FAF1: variants seen among roughly 807,000 people sequenced by gnomAD.
FAF1 encodes the protein FAS-associated factor 1.
A neutral mutation model predicts 92.5 loss-of-function variants in FAF1; 25 were observed. The ratio of observed to expected loss-of-function variants is 0.27; its 90% CI spans 0.20 to 0.38. The LOEUF (loss-of-function observed/expected upper bound fraction) is 0.38. FAF1 is among the 10% of genes least tolerant of loss of function. The pLI is 1.00. For missense variants in FAF1, 636 were observed against 793.3 expected, an observed-to-expected ratio of 0.80 and a Z score of 2.38; for synonymous variants, 234 against 273.2, an observed-to-expected ratio of 0.86 and a Z score of 1.42.
chr1:50,772,854 A>T (rs1043628492), intron 4 of FAF1, among the ~76,000 whole-genome samples: 1 of 152,206 alleles, frequency 6.6e-6, no homozygotes, highest in Non-Finnish European at 1.5e-5. Context: ...AACCTAAAAT[A>T]ACTTTAAATA....
At chr1:50,823,770 T>C (rs1033137720) in intron 2 of FAF1, among the ~76,000 whole-genome samples, 1 of 152,014 alleles carries the variant, frequency 6.6e-6, no homozygotes, top group Non-Finnish European at 1.5e-5. Flanking sequence ...TTAAAAAGAA[T>C]GGCAAAGAAA....
intron 6 of FAF1, among the ~76,000 whole-genome samples, chr1:50,713,306 C>G (rs1189284183): frequency 1.3e-5 from 2 of 150,796 alleles, no homozygotes; most frequent in African/African-American, 4.9e-5. Flanking sequence ...CAGTCTCTCA[C>G]TCTGTCACCC....
At chr1:50,844,779 T>C (rs1447077789) in intron 2 of FAF1, among the ~76,000 whole-genome samples, 1 of 151,980 alleles carries the variant, frequency 6.6e-6, no homozygotes, top group African/African-American at 2.4e-5. Flanking sequence ...GAGAGGTACC[T>C]GAAAATAAGA....
rs746466886 is a variant in FAF1, at chr1:50,788,087, C to T, written c.280G>A (p.Val94Ile). The T allele has an allele frequency of 3.1e-6, 5 of 1,614,150 alleles. No homozygotes were observed. The Admixed American group carries it at 8.3e-5, about 27-fold the overall frequency. The change falls in exon 4 of 19, where the codon GTA becomes ATA. Residue 94 changes from valine to isoleucine, a missense_variant. This residue lies in a region of FAF1 where 317 missense variants were observed against 342.4 expected (regional missense o/e 0.93). Transcript: ENST00000396153. The part of the protein sequence containing the change: ...FRPVMPSRQI[V>I]ERQPRMLDFR... ...TCCAGCATCCGAGGTTGCCTTTCTA[C>T]AATCTGCCTGGATGGCATTACAGGT...
At chr1:50,449,900 A>G (rs770792118) in intron 18 of FAF1, among the ~76,000 whole-genome samples, 3 of 152,012 alleles carry the variant, frequency 2.0e-5, no homozygotes, top group Non-Finnish European at 4.4e-5. Flanking sequence ...TCATCCCTAT[A>G]AAAAGTTACC....
At chr1:50,563,993 G>A (rs1183521569) in intron 13 of FAF1, among the ~76,000 whole-genome samples, 3 of 152,140 alleles carry the variant, frequency 2.0e-5, no homozygotes, top group African/African-American at 7.2e-5. Flanking sequence ...AGAGAAATTA[G>A]GAAATTTAAT....
chr1:50,943,550 G>A (rs1203983080), intron 1 of FAF1, among the ~76,000 whole-genome samples: 2 of 152,186 alleles, frequency 1.3e-5, no homozygotes, highest in Non-Finnish European at 2.9e-5. Flanking sequence ...CAGGGCCAAG[G>A]TGTTGTCATT....
intron 2 of FAF1, among the ~76,000 whole-genome samples, chr1:50,811,831 C>A (rs1643917451): frequency 1.3e-5 from 2 of 152,118 alleles, no homozygotes; most frequent in African/African-American, 4.8e-5. Flanking sequence ...CATAAAGCTG[C>A]AGTAACCATT....
At chr1:50,843,405 C>T (rs2124647174) in intron 2 of FAF1, among the ~76,000 whole-genome samples, 1 of 152,184 alleles carries the variant, frequency 6.6e-6, no homozygotes, top group African/African-American at 2.4e-5. Flanking sequence ...GGGGACACTC[C>T]AAATCTAGCT....
At chr1:50,523,296 G>A (rs148706030) in intron 15 of FAF1, among the ~76,000 whole-genome samples, 1 of 152,242 alleles carries the variant, frequency 6.6e-6, no homozygotes, top group East Asian at 1.9e-4. Flanking sequence ...TGGAATACCT[G>A]GTTCAAATGG....
At chr1:50,611,524 C>T (rs891876458) in intron 8 of FAF1, among the ~76,000 whole-genome samples, 3 of 152,066 alleles carry the variant, frequency 2.0e-5, no homozygotes, top group Non-Finnish European at 4.4e-5. Flanking sequence ...TTACTTTCTG[C>T]GGATAGCAGA....
intron 6 of FAF1, chr1:50,715,097 C>G (rs571277934): frequency 2.4e-5 from 9 of 369,348 alleles, no homozygotes; most frequent in African/African-American, 1.9e-4. Context: ...TTAAAACTAA[C>G]AGTTCTTCAT....
intron 8 of FAF1, among the ~76,000 whole-genome samples, chr1:50,653,958 G>A (rs1012113160): frequency 2.6e-5 from 4 of 152,112 alleles, no homozygotes; most frequent in South Asian, 4.1e-4. Context: ...GTGAGTCACC[G>A]TGCCTGACCA....
intron 9 of FAF1, among the ~76,000 whole-genome samples, chr1:50,589,591 G>A (rs1651405548): frequency 6.6e-6 from 1 of 152,170 alleles, no homozygotes; most frequent in Non-Finnish European, 1.5e-5. Context: ...CATATCAGAT[G>A]TATGATTTGC....
rs117470804 is a variant in FAF1, at chr1:50,556,041, A to C, written c.1268+11036T>G. ...AGAATACAACTCAGCTATAAAAAAGAATAAGGTCTTCAATGAAACCCCGTC... is the reference window on the plus strand; with the variant it reads ...AGAATACAACTCAGCTATAAAAAAGCATAAGGTCTTCAATGAAACCCCGTC... On this transcript the variant is annotated intron_variant, in intron 13 of 18. Transcript: ENST00000396153. 2.1e-4 allele frequency among the ~76,000 whole-genome samples: 32 copies of C among 151,670 alleles called. 1 individual carries two copies. The East Asian group carries it at 6.2e-3, about 29-fold the overall frequency.
intron 4 of FAF1, among the ~76,000 whole-genome samples, chr1:50,750,984 T>TA (rs1378614976): frequency 6.6e-6 from 1 of 151,242 alleles, no homozygotes. Context: ...TTTTTTTTTT[T>TA]AACATGAAAT....
chr1:50,704,345 A>T (rs533072231), intron 7 of FAF1, among the ~76,000 whole-genome samples: 50 of 152,292 alleles, frequency 3.3e-4, no homozygotes, highest in African/African-American at 1.2e-3. Context: ...AAAAAGGCAA[A>T]CTATATTTAT....
chr1:50,551,699 G>A (rs1649316518), intron 13 of FAF1, among the ~76,000 whole-genome samples: 1 of 152,108 alleles, frequency 6.6e-6, no homozygotes, highest in Admixed American at 6.6e-5. Flanking sequence ...ATTTCAGTAA[G>A]GCATATAATA....
intron 4 of FAF1, among the ~76,000 whole-genome samples, chr1:50,774,566 CAA>C (rs942402214): frequency 6.6e-6 from 1 of 151,828 alleles, no homozygotes; most frequent in African/African-American, 2.4e-5. Flanking sequence ...TAAGAAAGAT[CAA>C]AAAGAGAAAA....
Sources: gnomAD v4.1 joint callset for allele counts (sites outside exome capture counted in the v4.1 genomes callset) on GRCh38, gnomAD v4.1.1 for gene constraint, gnomAD v4.1.1 regional missense constraint, MANE v1.5 for transcripts, NCBI Gene and HGNC (gene_info 2026-07-23, HGNC 2026-07-21) for gene names.